The following RORB variants were observed in gnomAD, a reference collection of about 807,000 sequenced individuals.
RORB encodes the protein nuclear receptor ROR-beta.
Under a neutral mutation model 59.1 loss-of-function variants are expected in RORB, and 6 were observed. The observed-to-expected ratio is 0.10, with a 90% CI of 0.06 to 0.20. RORB has a LOEUF of 0.20. RORB is among the 10% of genes least tolerant of loss of function. The pLI, the probability that RORB is intolerant of heterozygous loss-of-function variation, is 1.00. For synonymous variants in RORB, 215 were observed against 204.5 expected (o/e 1.05, Z -0.44); for missense variants, 320 against 560.5 (o/e 0.57, Z 4.33).
intron 1 of RORB, among the ~76,000 whole-genome samples, chr9:74,612,792 T>C (rs998833727): frequency 6.6e-6 from 1 of 152,196 alleles, no homozygotes; most frequent in African/African-American, 2.4e-5. Flanking sequence ...CAATTCTGTC[T>C]ACAATTTGAA....
At chr9:74,649,418 G>A (rs1823955974) in intron 4 of RORB, among the ~76,000 whole-genome samples, 1 of 152,072 alleles carries the variant, frequency 6.6e-6, no homozygotes, top group African/African-American at 2.4e-5. Context: ...ATCTCAAAAA[G>A]GAATTCTCCC....
At chr9:74,593,764 G>A (rs1336132718) in intron 1 of RORB, among the ~76,000 whole-genome samples, 1 of 152,124 alleles carries the variant, frequency 6.6e-6, no homozygotes, top group African/African-American at 2.4e-5. Flanking sequence ...AAGAGCAATA[G>A]ATTCTCAGCA....
At chr9:74,507,033 A>G (rs991391847) in intron 1 of RORB, among the ~76,000 whole-genome samples, 1 of 152,086 alleles carries the variant, frequency 6.6e-6, no homozygotes, top group Non-Finnish European at 1.5e-5. Flanking sequence ...TTAAACAGCT[A>G]TTTAATAAGA....
intron 1 of RORB, among the ~76,000 whole-genome samples, chr9:74,531,968 G>T (rs994302885): frequency 6.6e-6 from 1 of 151,848 alleles, no homozygotes; most frequent in Non-Finnish European, 1.5e-5. Flanking sequence ...TTAATGCTAC[G>T]TGATGTCTCA....
intron 1 of RORB, among the ~76,000 whole-genome samples, chr9:74,577,299 T>A (rs978683098): frequency 6.6e-6 from 1 of 152,084 alleles, no homozygotes; most frequent in African/African-American, 2.4e-5. Flanking sequence ...TTAAGAATGA[T>A]CTTGGTGTCT....
At chr9:74,557,888 C>T (rs563360206) in intron 1 of RORB, among the ~76,000 whole-genome samples, 7 of 152,040 alleles carry the variant, frequency 4.6e-5, no homozygotes, top group Non-Finnish European at 8.8e-5. Flanking sequence ...TCTGGTTGCT[C>T]TTATGAGGCA....
intron 1 of RORB, among the ~76,000 whole-genome samples, chr9:74,527,548 T>G (rs1826174959): frequency 6.6e-6 from 1 of 152,074 alleles, no homozygotes; most frequent in South Asian, 2.1e-4. Flanking sequence ...CAGGGAATTT[T>G]TTTTATATGA....
intron 1 of RORB, among the ~76,000 whole-genome samples, chr9:74,567,186 C>T (rs915886826): frequency 2.6e-5 from 4 of 152,028 alleles, no homozygotes; most frequent in African/African-American, 7.2e-5. Flanking sequence ...CCACCACACC[C>T]GGCTAATTTT....
intron 1 of RORB, among the ~76,000 whole-genome samples, chr9:74,532,645 C>A (rs930212987): frequency 6.6e-5 from 10 of 150,904 alleles, no homozygotes; most frequent in Admixed American, 4.6e-4. Context: ...GTGATGAATT[C>A]CATATATGTG....
At position 74,625,863 on chromosome 9, in the gene RORB, A is replaced by G. The variant is rs1010064932; in HGVS notation, c.8-4419A>G. 2.0e-5 allele frequency among the ~76,000 whole-genome samples: 3 copies of G among 152,212 alleles called. No homozygotes were observed. The East Asian group carries it at 5.8e-4, about 29-fold the overall frequency. On this transcript the variant is annotated intron_variant, in intron 1 of 9. Coordinates refer to ENST00000376896, the MANE Select transcript of RORB (RefSeq NM_006914.4). ...AGAATTGAGAGCCATAAGAACAAACACAGTAAAAATGTTACCTCCAACCAG... is the reference window on the plus strand; with the variant it reads ...AGAATTGAGAGCCATAAGAACAAACGCAGTAAAAATGTTACCTCCAACCAG...
chr9:74,659,537 C>T (rs761462353), intron 4 of RORB, among the ~76,000 whole-genome samples: 6 of 152,178 alleles, frequency 3.9e-5, no homozygotes, highest in Non-Finnish European at 5.9e-5. Context: ...GATGGAGTCT[C>T]GCTCTGTCGC....
At chr9:74,657,232 A>ATTTC (rs896574768) in intron 4 of RORB, among the ~76,000 whole-genome samples, 4 of 151,732 alleles carry the variant, frequency 2.6e-5, no homozygotes, top group Non-Finnish European at 5.9e-5. Context: ...TTATTTATTT[A>ATTTC]TTTATTGTAT....
chr9:74,611,751 G>A (rs1401760954), intron 1 of RORB, among the ~76,000 whole-genome samples: 12 of 152,136 alleles, frequency 7.9e-5, no homozygotes, highest in Non-Finnish European at 1.6e-4. Context: ...AGGCTCAAGC[G>A]ATTCTCCTGC....
At chr9:74,625,233 G>A (rs1823490574) in intron 1 of RORB, among the ~76,000 whole-genome samples, 1 of 152,130 alleles carries the variant, frequency 6.6e-6, no homozygotes, top group Admixed American at 6.5e-5. Flanking sequence ...TTGCCAATGG[G>A]TGTCTCATCA....
intron 1 of RORB, among the ~76,000 whole-genome samples, chr9:74,510,146 A>G (rs899550388): frequency 1.3e-5 from 2 of 152,136 alleles, no homozygotes; most frequent in African/African-American, 4.8e-5. Context: ...TTTATTCTGC[A>G]GGACTCCAAT....
intron 1 of RORB, among the ~76,000 whole-genome samples, chr9:74,615,826 G>A (rs1202845327): frequency 6.6e-6 from 1 of 152,130 alleles, no homozygotes; most frequent in African/African-American, 2.4e-5. Flanking sequence ...TTACACTGGA[G>A]AAGATATTTA....
intron 1 of RORB, among the ~76,000 whole-genome samples, chr9:74,507,764 A>G (rs924898152): frequency 6.6e-6 from 1 of 152,010 alleles, no homozygotes; most frequent in Non-Finnish European, 1.5e-5. Context: ...TACACAAAAC[A>G]TTTCCTGTTA....
Position 74,671,859 on chromosome 9 carries a change from T to C in RORB, c.1182T>C (p.His394=), listed in dbSNP as rs1173788920. 2 of 1,612,204 alleles carry C rather than the reference T, an allele frequency of 1.2e-6. No homozygotes were observed. Among genetic ancestry groups the C allele is most frequent in the Non-Finnish European group, 1.7e-6 (2 of 1,178,906 alleles). Residue 394 remains histidine (H), a synonymous_variant, in exon 9 of 10, where the codon CAT becomes CAC. Coordinates refer to ENST00000376896, the MANE Select transcript of RORB (RefSeq NM_006914.4). ...LQEKIYFALQ[H]VIQKNHLDDE... Reference sequence around the variant, plus strand: ...AAAAAATTTATTTTGCACTTCAACATGTGATTCAGAAGAATCACCTGGATG... The same window carrying C: ...AAAAAATTTATTTTGCACTTCAACACGTGATTCAGAAGAATCACCTGGATG...
intron 1 of RORB, among the ~76,000 whole-genome samples, chr9:74,555,798 T>A (rs1229197580): frequency 6.6e-6 from 1 of 152,208 alleles, no homozygotes. Context: ...ATTCTGCAAA[T>A]GCGTTCTTGA....
Sources: allele counts gnomAD v4.1 joint callset (sites outside exome capture counted in the v4.1 genomes callset), GRCh38; gene constraint gnomAD v4.1.1; transcripts MANE v1.5; gene names NCBI Gene and HGNC (gene_info 2026-07-23, HGNC 2026-07-21).